JADE3: variants seen among roughly 807,000 people sequenced by gnomAD.
JADE3 encodes the protein protein Jade-3.
A neutral mutation model predicts 50.1 loss-of-function variants in JADE3; 2 were observed. That is an observed-to-expected ratio of 0.04 (90% CI 0.02 to 0.13). The LOEUF (loss-of-function observed/expected upper bound fraction) is 0.13, where lower values mean the gene tolerates loss of function less well. JADE3 is among the 10% of genes least tolerant of loss of function. The pLI is 1.00. For missense variants in JADE3, 475 were observed against 634.4 expected (o/e 0.75, Z 2.70); for synonymous variants, 218 against 232.9 (o/e 0.94, Z 0.58).
intron 1 of JADE3, among the ~76,000 whole-genome samples, chrX:46,948,751 C>T (rs781799887): frequency 1.8e-5 from 2 of 111,196 alleles, no homozygotes; most frequent in African/African-American, 6.5e-5. Context: ...CACATTCAAC[C>T]AGTGCCCCAG....
chrX:46,930,915 G>A (rs782446371), intron 1 of JADE3, among the ~76,000 whole-genome samples: 5 of 111,162 alleles, frequency 4.5e-5, no homozygotes, highest in Non-Finnish European at 9.4e-5. Flanking sequence ...TACCCTGAAC[G>A]CGCACTACCT....
At chrX:47,031,262 C>T (rs1201632787) in intron 6 of JADE3, among the ~76,000 whole-genome samples, 1 of 111,302 alleles carries the variant, frequency 9.0e-6, no homozygotes, top group Non-Finnish European at 1.9e-5. Flanking sequence ...AGGAAGCTTG[C>T]TTTCATTTCC....
At chrX:46,993,264 A>C (rs1432698595) in intron 3 of JADE3, among the ~76,000 whole-genome samples, 1 of 112,044 alleles carries the variant, frequency 8.9e-6, no homozygotes, top group Non-Finnish European at 1.9e-5. Context: ...ATGAAAGCTC[A>C]TATATTTTAA....
intron 1 of JADE3, among the ~76,000 whole-genome samples, chrX:46,927,887 C>A (rs1375134189): frequency 8.9e-6 from 1 of 111,913 alleles, no homozygotes; most frequent in Non-Finnish European, 1.9e-5. Flanking sequence ...GGAGAATTTT[C>A]CCGTATCCTA....
At chrX:46,923,393 C>CTCTCTCTCTTTTTTTTTT (rs1556338199) in intron 1 of JADE3, among the ~76,000 whole-genome samples, 1 of 11,525 alleles carries the variant, frequency 8.7e-5, no homozygotes, top group Non-Finnish European at 2.0e-4. Flanking sequence ...CTCTCTCTCT[C>CTCTCTCTCTTTTTTTTTT]TTTTTTTTTT....
intron 4 of JADE3, among the ~76,000 whole-genome samples, chrX:47,023,632 G>A (rs781931120): frequency 3.6e-5 from 4 of 112,620 alleles, no homozygotes; most frequent in Non-Finnish European, 7.5e-5. Context: ...AAGTGGCCAG[G>A]CACAGTGGCT....
At chrX:46,970,259 G>A (rs1468524671) in intron 1 of JADE3, among the ~76,000 whole-genome samples, 1 of 112,123 alleles carries the variant, frequency 8.9e-6, no homozygotes, top group Non-Finnish European at 1.9e-5. Flanking sequence ...TCTCCCCAGG[G>A]AAATTTGTTG....
intron 4 of JADE3, among the ~76,000 whole-genome samples, chrX:47,017,968 C>T (rs183138087): frequency 8.9e-6 from 1 of 112,298 alleles, no homozygotes; most frequent in Non-Finnish European, 1.9e-5. Flanking sequence ...ATCTATCCTT[C>T]TAGCTGTAAC....
intron 4 of JADE3, among the ~76,000 whole-genome samples, chrX:47,000,835 G>A (rs1928265679): frequency 8.9e-6 from 1 of 111,861 alleles, no homozygotes; most frequent in Admixed American, 9.5e-5. Flanking sequence ...AAATGTGTGA[G>A]CCCCCGCCCT....
chrX:47,010,114 CTCAG>C (rs1928524712), intron 4 of JADE3, among the ~76,000 whole-genome samples: 1 of 111,877 alleles, frequency 8.9e-6, no homozygotes, highest in Non-Finnish European at 1.9e-5. Flanking sequence ...TACTAAGTTC[CTCAG>C]TCAGATCAAG....
At chrX:47,004,095 T>C (rs924931950) in intron 4 of JADE3, among the ~76,000 whole-genome samples, 3 of 107,772 alleles carry the variant, frequency 2.8e-5, no homozygotes, top group Non-Finnish European at 5.7e-5. Context: ...CCAGCTGATT[T>C]TTGTATTTTT....
At chrX:47,040,256 C>T (rs868931360) in intron 8 of JADE3, among the ~76,000 whole-genome samples, 11 of 111,811 alleles carry the variant, frequency 9.8e-5, no homozygotes, top group African/African-American at 3.3e-4. Flanking sequence ...TGCAGGGGTC[C>T]GCAACCTGCC....
intron 1 of JADE3, among the ~76,000 whole-genome samples, chrX:46,917,765 T>TTCTC (rs781969667): frequency 1.8e-4 from 16 of 90,299 alleles, no homozygotes; most frequent in East Asian, 3.5e-4. Context: ...AGGTGTTTCT[T>TTCTC]TCTCTCTCTC....
At chrX:47,026,167 A>G (rs1342236971) in intron 5 of JADE3, among the ~76,000 whole-genome samples, 1 of 111,976 alleles carries the variant, frequency 8.9e-6, no homozygotes, top group Non-Finnish European at 1.9e-5. Context: ...TCATGGCTCA[A>G]TGTGCGCTTG....
At chrX:47,006,441 G>A (rs888087309) in intron 4 of JADE3, among the ~76,000 whole-genome samples, 15 of 105,513 alleles carry the variant, frequency 1.4e-4, no homozygotes, top group Non-Finnish European at 2.7e-4. Context: ...ATGCCACCAC[G>A]CCAGGCTAAT....
chrX:47,033,826 A>G (rs782512200), intron 7 of JADE3, 38 bp downstream of exon 7: 397 of 1,080,592 alleles, frequency 3.7e-4, no homozygotes, highest in Non-Finnish European at 4.8e-4. Context: ...CATTTGCTCC[A>G]GGGTGTCCCT....
At chrX:46,991,943 T>C (rs955272545) in intron 3 of JADE3, among the ~76,000 whole-genome samples, 1 of 111,080 alleles carries the variant, frequency 9.0e-6, no homozygotes, top group Non-Finnish European at 1.9e-5. Context: ...ATAGTGGTCC[T>C]GTTTCTGGGG....
At chrX:46,936,698 G>T (rs1926631962) in intron 1 of JADE3, among the ~76,000 whole-genome samples, 1 of 111,708 alleles carries the variant, frequency 9.0e-6, no homozygotes, top group East Asian at 2.8e-4. Context: ...TTAGTAGTTT[G>T]TTATTTACAG....
intron 1 of JADE3, among the ~76,000 whole-genome samples, chrX:46,951,109 C>T (rs1180395284): frequency 7.5e-5 from 8 of 106,526 alleles, no homozygotes; most frequent in African/African-American, 2.4e-4. Flanking sequence ...GACAGAGTCT[C>T]GCTCTGTTGC....
Sources: gnomAD v4.1 joint callset for allele counts (sites outside exome capture counted in the v4.1 genomes callset) on GRCh38, gnomAD v4.1.1 for gene constraint, MANE v1.5 for transcripts, NCBI Gene and HGNC (gene_info 2026-07-23, HGNC 2026-07-21) for gene names.